The following FARS2 variants were observed in gnomAD, a reference collection of about 807,000 sequenced individuals.
FARS2 encodes phenylalanyl-tRNA synthetase 2, mitochondrial.
A neutral mutation model predicts 46.4 loss-of-function variants in FARS2; 40 were observed. The ratio of observed to expected loss-of-function variants is 0.86; its 90% CI spans 0.67 to 1.12. The LOEUF (loss-of-function observed/expected upper bound fraction) is 1.12. Among genes scored for constraint, FARS2 ranks in the 50% most tolerant of loss-of-function variants. The pLI, the probability that FARS2 is intolerant of heterozygous loss-of-function variation, is 0.00. For missense variants in FARS2, 513 were observed against 567.9 expected (o/e 0.90, Z 0.98); for synonymous variants, 234 against 214.9 (o/e 1.09, Z -0.78).
In FARS2 at chr6:5,422,881, T is replaced by A. The variant is rs116602695; in HGVS notation, c.773-8160T>A. 5.5e-3 allele frequency among the ~76,000 whole-genome samples: 838 copies of A among 152,332 alleles called. 5 individuals carry two copies. Among genetic ancestry groups the A allele is most frequent in the African/African-American group, 0.019 (798 of 41,588 alleles). ...AAAAAAAATACCCACTGAGTGTTAA[T>A]GAGCTGCTAGGTACTGTGTTAGGCT... On this transcript the variant is annotated intron_variant, in intron 3 of 6. Transcript: ENST00000274680.
At chr6:5,341,196 T>TATATATAG (rs1260954900) in intron 1 of FARS2, among the ~76,000 whole-genome samples, 233 of 7,132 alleles carry the variant, frequency 0.033, 4 homozygotes, top group Middle Eastern at 0.056. Context: ...GAGATATATA[T>TATATATAG]ATATATATAT....
rs1175182131 is a variant in FARS2, at chr6:5,717,931, T to TAGAGAGAGAGAGAGAGAGAG, written c.1218-53359_1218-53358insGAGAGAGAGAGAGAGAGAGA. On this transcript the variant is annotated intron_variant, in intron 6 of 6. Coordinates refer to ENST00000274680, the MANE Select transcript of FARS2 (RefSeq NM_006567.5). Reference sequence around the variant, plus strand: ...AGCTATATATATATATATATATATATATATACAGAGTCTCACTCTGTCGCC... The same window carrying TAGAGAGAGAGAGAGAGAGAG: ...AGCTATATATATATATATATATATATAGAGAGAGAGAGAGAGAGAGATATACAGAGTCTCACTCTGTCGCC... Among the ~76,000 whole-genome samples, 455 of 118,516 alleles carry TAGAGAGAGAGAGAGAGAGAG rather than the reference T, an allele frequency of 3.8e-3. 8 individuals are homozygous for TAGAGAGAGAGAGAGAGAGAG. The highest frequency in any genetic ancestry group is 0.011 in the African/African-American group (236 of 22,056). 77.8% of individuals were successfully genotyped at this position (118,516 alleles called of 152,430 possible). A position where few individuals can be genotyped will look rare whatever the true frequency, so the allele number is the denominator to read the frequency against.
At chr6:5,503,227 A>G (rs1462301400) in intron 4 of FARS2, among the ~76,000 whole-genome samples, 1 of 151,296 alleles carries the variant, frequency 6.6e-6, no homozygotes, top group Non-Finnish European at 1.5e-5. Context: ...TAAATAAAAG[A>G]TTTTATTAAA....
At chr6:5,310,821 T>C (rs1032010254) in intron 1 of FARS2, among the ~76,000 whole-genome samples, 3 of 152,210 alleles carry the variant, frequency 2.0e-5, no homozygotes, top group African/African-American at 7.2e-5. Flanking sequence ...TGCTATATCC[T>C]GAAAATAGAG....
intron 6 of FARS2, among the ~76,000 whole-genome samples, chr6:5,624,684 A>G (rs937839145): frequency 2.0e-5 from 3 of 152,164 alleles, no homozygotes; most frequent in African/African-American, 4.8e-5. Context: ...ATGAGGGATG[A>G]GAGTAACTCA....
At chr6:5,453,578 A>C (rs986486409) in intron 4 of FARS2, among the ~76,000 whole-genome samples, 1 of 152,190 alleles carries the variant, frequency 6.6e-6, no homozygotes, top group Non-Finnish European at 1.5e-5. Flanking sequence ...GTATAATAGG[A>C]TTTGATTTGC....
At chr6:5,696,060 T>C (rs997862319) in intron 6 of FARS2, among the ~76,000 whole-genome samples, 29 of 152,226 alleles carry the variant, frequency 1.9e-4, no homozygotes, top group African/African-American at 6.8e-4. Context: ...AAGTGGATAA[T>C]GTTCAGTGCT....
intron 1 of FARS2, among the ~76,000 whole-genome samples, chr6:5,335,102 G>A (rs1050870507): frequency 1.3e-5 from 2 of 152,208 alleles, no homozygotes; most frequent in Admixed American, 1.3e-4. Context: ...CATTTGACCT[G>A]TGAAAGCATT....
intron 1 of FARS2, among the ~76,000 whole-genome samples, chr6:5,359,698 T>C (rs1758181964): frequency 6.6e-6 from 1 of 152,232 alleles, no homozygotes; most frequent in South Asian, 2.1e-4. Context: ...TACTGATGGT[T>C]ATAAACCATG....
At chr6:5,273,450 A>T (rs1414545195) in intron 1 of FARS2, among the ~76,000 whole-genome samples, 1 of 151,488 alleles carries the variant, frequency 6.6e-6, no homozygotes, top group Non-Finnish European at 1.5e-5. Context: ...TCTACTGGCC[A>T]TTTGTATGTC....
chr6:5,637,981 C>T (rs1776625266), intron 6 of FARS2, among the ~76,000 whole-genome samples: 1 of 152,170 alleles, frequency 6.6e-6, no homozygotes, highest in Non-Finnish European at 1.5e-5. Context: ...CACAGTTCAA[C>T]CCATAACAGA....
intron 1 of FARS2, among the ~76,000 whole-genome samples, chr6:5,297,396 C>A (rs1208151328): frequency 6.6e-6 from 1 of 152,128 alleles, no homozygotes; most frequent in Non-Finnish European, 1.5e-5. Context: ...GCCTGTAATC[C>A]CAGCACTTTG....
At chr6:5,686,534 G>A (rs4373398) in intron 6 of FARS2, among the ~76,000 whole-genome samples, 145,564 of 152,294 alleles carry the variant, frequency 0.96, 69,646 homozygotes, top group African/African-American at 0.99. Flanking sequence ...ACATGAACTC[G>A]TCCTTTTTTA....
chr6:5,686,049 C>T (rs543077112), intron 6 of FARS2, among the ~76,000 whole-genome samples: 4 of 152,290 alleles, frequency 2.6e-5, no homozygotes, highest in South Asian at 2.1e-4. Context: ...CCCAGAAGCA[C>T]GCCCAAGAAA....
intron 6 of FARS2, among the ~76,000 whole-genome samples, chr6:5,653,265 C>A (rs933896156): frequency 2.6e-5 from 4 of 152,170 alleles, no homozygotes; most frequent in Non-Finnish European, 5.9e-5. Context: ...TATAGCAGTT[C>A]TTCCTACTAC....
chr6:5,401,862 T>C (rs1298847861), intron 2 of FARS2, among the ~76,000 whole-genome samples: 1 of 152,186 alleles, frequency 6.6e-6, no homozygotes, highest in Non-Finnish European at 1.5e-5. Context: ...CATTAGTTGA[T>C]CTTTTTGCCT....
At chr6:5,697,758 A>G (rs1758191817) in intron 6 of FARS2, among the ~76,000 whole-genome samples, 1 of 152,214 alleles carries the variant, frequency 6.6e-6, no homozygotes, top group African/African-American at 2.4e-5. Context: ...CAGACTTCAA[A>G]TATCTCATTT....
chr6:5,646,733 A>C (rs1378928441), intron 6 of FARS2, among the ~76,000 whole-genome samples: 1 of 152,212 alleles, frequency 6.6e-6, no homozygotes, highest in Non-Finnish European at 1.5e-5. Context: ...ATTATTTATA[A>C]TACCTAATAC....
chr6:5,317,958 G>A (rs1769656201), intron 1 of FARS2, among the ~76,000 whole-genome samples: 1 of 151,958 alleles, frequency 6.6e-6, no homozygotes, highest in African/African-American at 2.4e-5. Flanking sequence ...GGGGAAAGGA[G>A]CAACATATAG....
Sources: allele counts gnomAD v4.1 joint callset (sites outside exome capture counted in the v4.1 genomes callset), GRCh38; gene constraint gnomAD v4.1.1; transcripts MANE v1.5; gene names NCBI Gene and HGNC (gene_info 2026-07-23, HGNC 2026-07-21).